NEB: variants seen among roughly 807,000 people sequenced by gnomAD.
NEB encodes nemaline myopathy type 2.
In NEB, 512 loss-of-function variants were observed where a neutral mutation model predicts 952.2. The observed-to-expected ratio is 0.54, with a 90% CI of 0.50 to 0.58. The LOEUF (loss-of-function observed/expected upper bound fraction) is 0.58, where lower values mean the gene tolerates loss of function less well. Ranked by LOEUF, NEB falls within the 20% of genes least tolerant of loss-of-function variation. NEB has a pLI of 0.00. For missense variants in NEB, 8,428 were observed against 9,231.1 expected (o/e 0.91, Z 3.56); for synonymous variants, 2,900 against 3,149.8 (o/e 0.92, Z 2.66).
chr2:151,520,607 G>A (rs1335190229), intron 153 of NEB, among the ~76,000 whole-genome samples: 2 of 152,198 alleles, frequency 1.3e-5, no homozygotes, highest in African/African-American at 4.8e-5. Context: ...GCTCATGCCT[G>A]TAATCTCAGC....
chr2:151,547,648 C>T lies in NEB; in HGVS notation c.20248G>A (p.Glu6750Lys), dbSNP rs2094881623. 3 of 1,613,664 alleles carry T rather than the reference C, an allele frequency of 1.9e-6. No individual in the cohort carries two copies. The highest frequency in any genetic ancestry group is 1.6e-4 in the Middle Eastern group (1 of 6,078). The change falls in exon 132 of 182, where the codon GAG becomes AAG. Residue 6750 changes from glutamate (E) to lysine (K), a missense_variant. This residue lies in a region of NEB where 3,374 missense variants were observed against 3,651.5 expected (regional missense o/e 0.92). Transcript: ENST00000397345. ...PEIRQVKKTQ[E>K]AVSELIYKSD... is the part of the protein sequence containing the mutation. ...AAAATACCCACCTCACTGACAGCCT[C>T]TTGTGTCTTCTTGACTTGGCGGATC...
At chr2:151,571,035 C>T (rs535453399) in intron 107 of NEB, among the ~76,000 whole-genome samples, 3 of 152,052 alleles carry the variant, frequency 2.0e-5, no homozygotes, top group South Asian at 2.1e-4. Context: ...GACGGAGTTT[C>T]GCTCTTGTTG....
chr2:151,541,397 A>G (rs1301870218), intron 136 of NEB, 50 bp downstream of exon 136: 3 of 1,442,764 alleles, frequency 2.1e-6, no homozygotes, highest in Admixed American at 1.8e-5. Context: ...GGCACATATA[A>G]TCACCCCCTG....
intron 55 of NEB, 39 bp downstream of exon 55, chr2:151,646,091 T>G (rs750403649): frequency 5.0e-5 from 71 of 1,422,628 alleles, no homozygotes; most frequent in Non-Finnish European, 6.6e-5. Flanking sequence ...ACAATTAAAA[T>G]GAGCTTTCTG....
At chr2:151,501,301 G>GATT in intron 168 of NEB, 90 bp downstream of exon 168, 1 of 852,558 alleles carries the variant, frequency 1.2e-6, no homozygotes, top group South Asian at 1.8e-5. Flanking sequence ...TTGTTAAATT[G>GATT]ATTATTATAA....
chr2:151,513,462 A>C, intron 160 of NEB, 118 bp downstream of exon 160: 2 of 729,338 alleles, frequency 2.7e-6, no homozygotes, highest in Non-Finnish European at 4.5e-6. Flanking sequence ...GCAGATGTTC[A>C]AGAATGCCAT....
rs112563738 is a variant in NEB at position 151,512,022 on chromosome 2, T to C, written c.23346+711A>G. Among the ~76,000 whole-genome samples, 111 of 22,212 alleles carry C rather than the reference T, an allele frequency of 5.0e-3. 1 individual carries two copies. The Middle Eastern group carries it at 0.079, about 16-fold the overall frequency. 14.6% of individuals were successfully genotyped at this position (22,212 alleles called of 152,430 possible). A position where few individuals can be genotyped will look rare whatever the true frequency, so the allele number is the denominator to read the frequency against. On this transcript the variant is annotated intron_variant, in intron 161 of 181. Transcript: ENST00000397345. ...CATCATAGGTTACCCTCTCACTCTT[T>C]TTTTTTTTTTTTTTTTTTTTTTTTT... is the stretch of plus-strand genomic sequence containing the variant.
rs35808744 is a variant in NEB at position 151,506,954 on chromosome 2, C to T, written c.23511G>A (p.Thr7837=). The T allele has an allele frequency of 2.1e-3, 3,312 of 1,611,470 alleles. 70 individuals carry two copies. In the African/African-American group the frequency reaches 0.039, roughly 19 times the overall value. Reference sequence around the variant, plus strand: ...TTTCTTTTACACGCAGTATTTCTGGCGTGTCTTGAACAACTGTAATTTTTC... The same window carrying T: ...TTTCTTTTACACGCAGTATTTCTGGTGTGTCTTGAACAACTGTAATTTTTC... The part of the protein sequence containing the change: ...SKGKITVVQD[T]PEILRVKENQ... Residue 7837 remains threonine, a synonymous_variant, in exon 163 of 182, where the codon ACG becomes ACA. Coordinates refer to ENST00000397345, the MANE Select transcript of NEB (RefSeq NM_001164508.2).
chr2:151,611,153 C>G (rs1236576674), intron 78 of NEB, among the ~76,000 whole-genome samples: 1 of 152,068 alleles, frequency 6.6e-6, no homozygotes, highest in Non-Finnish European at 1.5e-5. Flanking sequence ...ATTCAGATAT[C>G]CAAAGATGGA....
chr2:151,505,407 TGA>T, intron 165 of NEB, 69 bp downstream of exon 165: 6 of 1,287,408 alleles, frequency 4.7e-6, no homozygotes, highest in Non-Finnish European at 5.6e-6. Flanking sequence ...AGCAGAAAGA[TGA>T]GAGAGCACCA....
intron 10 of NEB, 89 bp from the exon 11 acceptor site, chr2:151,710,627 A>C: frequency 5.1e-6 from 4 of 783,330 alleles, no homozygotes; most frequent in Non-Finnish European, 7.8e-6. Context: ...TAACTTTTAA[A>C]AATATCTTCA....
Position 151,497,663 on chromosome 2 carries a change from A to G in NEB, c.24263T>C (p.Met8088Thr). ...KGTPLPVTPEMERVKHNQENI... is the reference protein window; with the variant it reads ...KGTPLPVTPETERVKHNQENI... ...TTCTTGATTGTGTTTGACTCTTTCC[A>G]TCTCGGGAGTGACAGGTAAAGGGGT... Residue 8088 changes from methionine (M) to threonine (T), a missense_variant, in exon 171 of 182, where the codon ATG becomes ACG. Physicochemically the swap from Met to Thr is moderately conservative, Grantham distance 81. Transcript: ENST00000397345. 2 of 1,585,424 alleles carry G rather than the reference A, an allele frequency of 1.3e-6. No individual in the cohort carries two copies. Among genetic ancestry groups the G allele is most frequent in the Non-Finnish European group, 1.7e-6 (2 of 1,163,468 alleles).
chr2:151,644,544 T>C lies in NEB; in HGVS notation c.7568A>G (p.Lys2523Arg), dbSNP rs1260875762. The C allele has an allele frequency of 6.2e-7, 1 of 1,613,908 alleles. No homozygotes were observed. The highest frequency in any genetic ancestry group is 8.5e-7 in the Non-Finnish European group (1 of 1,179,804). The stretch of plus-strand genomic sequence containing the variant: ...AACAGGAAGATCGTAACCTTTTCTC[T>C]TCAGCTCCTCATAACCCATTCGGTA... The part of the protein sequence containing the change: ...KLYRMGYEEL[K>R]RKGYDLPVDA... Residue 2523 changes from lysine (K) to arginine (R), a missense_variant, in exon 56 of 182, where the codon AAG (lysine) becomes AGG (arginine). Transcript: ENST00000397345.
chr2:151,692,266 T>C lies in NEB; in HGVS notation c.1993A>G (p.Ser665Gly). 1 of 1,613,712 alleles carries C rather than the reference T, an allele frequency of 6.2e-7. No homozygotes were observed. The highest frequency in any genetic ancestry group is 8.5e-7 in the Non-Finnish European group (1 of 1,179,632). ...GTAACCGTGGCTTTTCGAACCTCAC[T>C]GAAGTTCTTCAGCTGAGTATCAAGT... Reference protein sequence around the residue: ...YQLDTQLKNFSEARYKDLYVK... With the variant: ...YQLDTQLKNFGEARYKDLYVK... The change falls in exon 21 of 182, where the codon AGT becomes GGT. Residue 665 changes from serine to glycine, a missense_variant. Around this residue, in one of 11 missense-constraint regions of NEB, gnomAD observed 2,851 missense variants for 2,791.5 expected, o/e 1.02. Transcript: ENST00000397345.
chr2:151,696,375 A>G (rs1001011824), intron 17 of NEB, among the ~76,000 whole-genome samples: 1 of 152,198 alleles, frequency 6.6e-6, no homozygotes, highest in African/African-American at 2.4e-5. Context: ...TAACATTTGA[A>G]TGCGGTTTTG....
At chr2:151,505,642 G>GT (rs1220037073) in intron 164 of NEB, 72 bp from the exon 165 acceptor site, 2 of 1,257,176 alleles carry the variant, frequency 1.6e-6, no homozygotes, top group Non-Finnish European at 2.3e-6. Flanking sequence ...ACATGTACAT[G>GT]TTTTTTGTAG....
intron 16 of NEB, 33 bp downstream of exon 16, chr2:151,697,115 C>T (rs2099602402): frequency 3.4e-6 from 5 of 1,486,552 alleles, no homozygotes; most frequent in Middle Eastern, 1.7e-4. Flanking sequence ...CTATGGAAGG[C>T]AGTCACATTC....
intron 60 of NEB, 125 bp downstream of exon 60, chr2:151,642,449 A>C: frequency 1.3e-6 from 1 of 785,694 alleles, no homozygotes. Flanking sequence ...TAAACCATTC[A>C]TCGAAACAAT....
intron 24 of NEB, 72 bp from the exon 25 acceptor site, chr2:151,688,468 A>T: frequency 1.7e-6 from 2 of 1,143,498 alleles, no homozygotes; most frequent in South Asian, 2.6e-5. Context: ...ATATATAGCT[A>T]AGGCATTAGT....
Sources: allele counts gnomAD v4.1 joint callset (sites outside exome capture counted in the v4.1 genomes callset), GRCh38; gene constraint gnomAD v4.1.1; regional missense constraint gnomAD v4.1.1; transcripts MANE v1.5; gene names NCBI Gene and HGNC (gene_info 2026-07-23, HGNC 2026-07-21).